The following ELAPOR2 variants were observed in gnomAD, a reference collection of about 807,000 sequenced individuals.
ELAPOR2 encodes endosome/lysosome-associated apoptosis and autophagy regulator family member 2.
In ELAPOR2, 89 loss-of-function variants were observed where a neutral mutation model predicts 120.7. That is an observed-to-expected ratio of 0.74 (90% CI 0.62 to 0.88). The LOEUF (loss-of-function observed/expected upper bound fraction) is 0.88, where lower values mean the gene tolerates loss of function less well. Ranked by LOEUF, ELAPOR2 falls within the 40% of genes least tolerant of loss-of-function variation. The pLI is 0.00. For missense variants in ELAPOR2, 1,134 were observed against 1,251.6 expected, an observed-to-expected ratio of 0.91 and a Z score of 1.42; for synonymous variants, 444 against 444.9, an observed-to-expected ratio of 1.00 and a Z score of 0.03.
chr7:87,023,950 T>C (rs1295329764), intron 1 of ELAPOR2, among the ~76,000 whole-genome samples: 1 of 152,200 alleles, frequency 6.6e-6, no homozygotes, highest in Non-Finnish European at 1.5e-5. Flanking sequence ...GCTTATCAGC[T>C]TAAGGAGATT....
At chr7:86,940,335 AAAG>A (rs1205086176) in intron 5 of ELAPOR2, among the ~76,000 whole-genome samples, 3 of 152,102 alleles carry the variant, frequency 2.0e-5, no homozygotes, top group South Asian at 2.1e-4. Flanking sequence ...ATTAAACAGA[AAAG>A]AAGAAGAAAT....
intron 1 of ELAPOR2, among the ~76,000 whole-genome samples, chr7:86,968,061 C>T (rs150040641): frequency 0.013 from 1,996 of 152,168 alleles, 21 homozygotes; most frequent in Admixed American, 0.031. Flanking sequence ...AAAGTCAATC[C>T]TTAAATCCAT....
intron 2 of ELAPOR2, among the ~76,000 whole-genome samples, chr7:86,964,064 TAGTTATCC>T (rs1248775023): frequency 6.6e-6 from 1 of 152,208 alleles, no homozygotes; most frequent in African/African-American, 2.4e-5. Context: ...AGAAAGAGAT[TAGTTATCC>T]AGTTAAGAAT....
chr7:86,965,944 G>A, intron 1 of ELAPOR2: 5 of 985,302 alleles, frequency 5.1e-6, no homozygotes, highest in Non-Finnish European at 6.0e-6. Context: ...GGAATGAGAA[G>A]GCCATTGTCT....
intron 1 of ELAPOR2, among the ~76,000 whole-genome samples, chr7:86,966,295 T>C (rs1040293685): frequency 3.3e-5 from 5 of 152,176 alleles, no homozygotes; most frequent in African/African-American, 4.8e-5. Context: ...GGAGGAAACA[T>C]TGGAATAAAT....
intron 1 of ELAPOR2, among the ~76,000 whole-genome samples, chr7:87,002,690 C>T (rs1489684890): frequency 6.6e-6 from 1 of 152,072 alleles, no homozygotes; most frequent in Non-Finnish European, 1.5e-5. Context: ...CCACCAATGC[C>T]TCCCACTCAA....
At chr7:86,898,045 T>C (rs1788526159) in intron 18 of ELAPOR2, among the ~76,000 whole-genome samples, 1 of 152,162 alleles carries the variant, frequency 6.6e-6, no homozygotes, top group African/African-American at 2.4e-5. Context: ...GGTACATCAA[T>C]GTTTATAGCA....
intron 1 of ELAPOR2, among the ~76,000 whole-genome samples, chr7:87,016,990 C>T (rs1180855638): frequency 6.6e-6 from 1 of 152,080 alleles, no homozygotes; most frequent in East Asian, 1.9e-4. Flanking sequence ...CTATCCTACT[C>T]ATTCTCTTAC....
At chr7:86,984,099 C>A (rs1792617614) in intron 1 of ELAPOR2, among the ~76,000 whole-genome samples, 1 of 152,012 alleles carries the variant, frequency 6.6e-6, no homozygotes, top group African/African-American at 2.4e-5. Flanking sequence ...AGGAAGGCCA[C>A]TACATAATGG....
intron 1 of ELAPOR2, among the ~76,000 whole-genome samples, chr7:87,010,228 AC>A (rs1256222830): frequency 2.6e-5 from 4 of 152,196 alleles, no homozygotes; most frequent in African/African-American, 9.6e-5. Flanking sequence ...CTCCACCCAC[AC>A]CAATAGTTTT....
At chr7:86,987,522 G>A (rs1382397479) in intron 1 of ELAPOR2, among the ~76,000 whole-genome samples, 2 of 151,906 alleles carry the variant, frequency 1.3e-5, no homozygotes, top group Non-Finnish European at 2.9e-5. Flanking sequence ...CAACCCTATC[G>A]AAAAGTGGGC....
intron 1 of ELAPOR2, among the ~76,000 whole-genome samples, chr7:87,011,999 C>T (rs1412945999): frequency 6.6e-6 from 1 of 152,126 alleles, no homozygotes; most frequent in Non-Finnish European, 1.5e-5. Flanking sequence ...ACCATTTGAA[C>T]AGTAACAATA....
chr7:87,013,194 G>A (rs1046291507), intron 1 of ELAPOR2, among the ~76,000 whole-genome samples: 11 of 152,100 alleles, frequency 7.2e-5, no homozygotes, highest in South Asian at 4.1e-4. Flanking sequence ...AATTTCAATA[G>A]AAGAGAATGA....
At chr7:86,990,224 T>C (rs182973502) in intron 1 of ELAPOR2, among the ~76,000 whole-genome samples, 4 of 151,902 alleles carry the variant, frequency 2.6e-5, no homozygotes, top group Non-Finnish European at 4.4e-5. Flanking sequence ...TTTTTTTGTA[T>C]TTTTTAGTAG....
At chr7:87,045,503 C>T (rs1346000612) in intron 1 of ELAPOR2, among the ~76,000 whole-genome samples, 2 of 148,424 alleles carry the variant, frequency 1.3e-5, no homozygotes, top group Non-Finnish European at 3.0e-5. Context: ...TAAACTATCG[C>T]AAGAACAAAA....
chr7:87,049,147 T>C (rs554120609), intron 1 of ELAPOR2, among the ~76,000 whole-genome samples: 12 of 152,316 alleles, frequency 7.9e-5, no homozygotes, highest in African/African-American at 2.6e-4. Flanking sequence ...AAGCTTACAA[T>C]TTATTGAGGG....
intron 1 of ELAPOR2, among the ~76,000 whole-genome samples, chr7:86,991,677 A>T (rs1279654147): frequency 6.6e-6 from 1 of 152,156 alleles, no homozygotes; most frequent in Non-Finnish European, 1.5e-5. Flanking sequence ...AGCAGTCCAG[A>T]GCTTGTTTAA....
chr7:87,036,004 AG>A (rs1794577055), intron 1 of ELAPOR2, among the ~76,000 whole-genome samples: 2 of 152,214 alleles, frequency 1.3e-5, no homozygotes, highest in South Asian at 4.1e-4. Flanking sequence ...AAACAGTAAA[AG>A]GACAGAAATT....
At chr7:86,950,378 G>A (rs573806096) in intron 2 of ELAPOR2, among the ~76,000 whole-genome samples, 1 of 152,230 alleles carries the variant, frequency 6.6e-6, no homozygotes, top group Non-Finnish European at 1.5e-5. Context: ...GTGACAAGAA[G>A]GAGAGAAGAG....
Sources: gnomAD v4.1 joint callset for allele counts (sites outside exome capture counted in the v4.1 genomes callset) on GRCh38, gnomAD v4.1.1 for gene constraint, MANE v1.5 for transcripts, NCBI Gene and HGNC (gene_info 2026-07-23, HGNC 2026-07-21) for gene names.